Variants in LIPH observed in about 807,000 individuals in gnomAD.
The protein encoded by LIPH is lipase member H.
A neutral mutation model predicts 47.6 loss-of-function variants in LIPH; 32 were observed. That is an observed-to-expected ratio of 0.67 (90% confidence interval 0.51 to 0.90). The LOEUF (loss-of-function observed/expected upper bound fraction) is 0.90. Among genes scored for constraint, LIPH ranks in the 40% least tolerant of loss-of-function variants. The pLI is 0.00. For synonymous variants in LIPH, 190 were observed against 195.6 expected, an observed-to-expected ratio of 0.97 and a Z score of 0.24; for missense variants, 497 against 541.4, an observed-to-expected ratio of 0.92 and a Z score of 0.81.
intron 1 of LIPH, chr3:185,546,798 T>C (rs945041801): frequency 3.6e-5 from 13 of 363,094 alleles, no homozygotes; most frequent in Non-Finnish European, 2.6e-5. Context: ...GAGTAAGAAC[T>C]TGTCTAAAAA....
chr3:185,542,795 G>A (rs915722556), intron 1 of LIPH, among the ~76,000 whole-genome samples: 16 of 152,110 alleles, frequency 1.1e-4, no homozygotes, highest in East Asian at 3.8e-4. Flanking sequence ...TCATAAAAAC[G>A]GATGAAATCA....
At chr3:185,536,822 G>A (rs180994802) in intron 1 of LIPH, among the ~76,000 whole-genome samples, 132 of 152,150 alleles carry the variant, frequency 8.7e-4, no homozygotes, top group Admixed American at 2.4e-3. Flanking sequence ...AGAAAACACC[G>A]TCTGTAGGAT....
intron 1 of LIPH, among the ~76,000 whole-genome samples, chr3:185,545,222 GA>G (rs1317284416): frequency 6.6e-6 from 1 of 152,160 alleles, no homozygotes; most frequent in Non-Finnish European, 1.5e-5. Context: ...TTGACAGTTG[GA>G]AAATTACAGT....
At chr3:185,513,288 C>T (rs1209934526) in intron 8 of LIPH, among the ~76,000 whole-genome samples, 3 of 149,332 alleles carry the variant, frequency 2.0e-5, no homozygotes, top group East Asian at 2.0e-4. Flanking sequence ...TGCAGTGAGC[C>T]GAGATCAGGC....
At chr3:185,526,609 A>AT (rs1294902262) in intron 4 of LIPH, among the ~76,000 whole-genome samples, 73 of 114,164 alleles carry the variant, frequency 6.4e-4, no homozygotes, top group East Asian at 2.0e-3. Context: ...ATAAAATAAA[A>AT]AATAAAATAA....
chr3:185,533,672 C>T lies in LIPH; in HGVS notation c.425G>A (p.Gly142Glu), dbSNP rs1553824000. 1.2e-6 allele frequency: 2 copies of T among 1,609,818 alleles called. No homozygotes were observed. Among genetic ancestry groups the T allele is most frequent in the Non-Finnish European group, 1.7e-6 (2 of 1,176,064 alleles). Residue 142 changes from glycine to glutamate, a missense_variant, in exon 3 of 10, where the codon GGA (glycine) becomes GAA (glutamate). Coordinates refer to ENST00000296252, the MANE Select transcript of LIPH (RefSeq NM_139248.3). ...KEFIDQMLAEGASLDDIYMIG... is the reference protein window; with the variant it reads ...KEFIDQMLAEEASLDDIYMIG... ...CATGTAAATGTCATCAAGAGAAGCT[C>T]CTTCTGCCTGGAATTTCAAGAGGTC...
chr3:185,515,077 T>C (rs1167870189), intron 7 of LIPH, among the ~76,000 whole-genome samples: 1 of 152,168 alleles, frequency 6.6e-6, no homozygotes, highest in African/African-American at 2.4e-5. Flanking sequence ...TCCAGAAGGC[T>C]TTTCCTGACC....
intron 4 of LIPH, among the ~76,000 whole-genome samples, chr3:185,526,959 G>T (rs1305340753): frequency 2.0e-5 from 3 of 152,152 alleles, no homozygotes; most frequent in African/African-American, 4.8e-5. Flanking sequence ...TTAAAAATAT[G>T]CCGGGCGCGG....
rs1026384113 is a variant in LIPH, at chr3:185,507,153, C to T, written c.*1637G>A. 1 of 151,488 alleles carries T rather than the reference C, an allele frequency of 6.6e-6. No individual in the cohort carries two copies. The highest frequency in any genetic ancestry group is 1.5e-5 in the Non-Finnish European group (1 of 67,916). 9.4% of individuals were successfully genotyped at this position (151,488 alleles called of 1,614,324 possible). A position where few individuals can be genotyped will look rare whatever the true frequency, so the allele number is the denominator to read the frequency against. On this transcript the variant is annotated 3_prime_UTR_variant, in exon 10 of 10. Coordinates refer to ENST00000296252, the MANE Select transcript of LIPH (RefSeq NM_139248.3). ...TTTGGGAGGCCGAGACGGGTAGTCA[C>T]CTGAGGACAGGAGTTCGAGACGAGC... is the stretch of plus-strand genomic sequence containing the variant.
chr3:185,526,621 AAAAT>A (rs1720091353), intron 4 of LIPH, among the ~76,000 whole-genome samples: 1 of 21,486 alleles, frequency 4.7e-5, no homozygotes, highest in Non-Finnish European at 1.9e-4. Flanking sequence ...ATAAAATAAT[AAAAT>A]AAAATATAAA....
chr3:185,511,819 CTTT>C (rs78253030), intron 8 of LIPH, 122 bp from the exon 9 acceptor site: 940 of 547,360 alleles, frequency 1.7e-3, no homozygotes, highest in Non-Finnish European at 2.0e-3. Flanking sequence ...CACCAGCTGA[CTTT>C]TTTTTTTTTT....
At position 185,522,650 on chromosome 3, in the gene LIPH, A is replaced by AAGAAAAG. The variant is rs1235808164; in HGVS notation, c.718+1420_718+1421insCTTTTCT. Reference sequence around the variant, plus strand: ...AAGAAGGAAAAGAAAGAGAGAAAGAAAAAGAAAGAAAGAAAGAAAGAAAGA... The same window carrying AAGAAAAG: ...AAGAAGGAAAAGAAAGAGAGAAAGAAAGAAAAGAAAGAAAGAAAGAAAGAAAGAAAGA... On this transcript the variant is annotated intron_variant, in intron 5 of 9. Transcript: ENST00000296252. Among the ~76,000 whole-genome samples the AAGAAAAG allele has an allele frequency of 1.0e-3, 143 of 141,998 alleles. 1 individual carries two copies. The highest frequency in any genetic ancestry group is 2.6e-3 in the Admixed American group (36 of 13,786). The allele number at this position is 141,998 out of a possible 152,430, so 93.2% of individuals were successfully genotyped here. A position where few individuals can be genotyped will look rare whatever the true frequency, so the allele number is the denominator to read the frequency against.
chr3:185,534,735 G>C (rs753031928), intron 2 of LIPH, 30 bp downstream of exon 2: 1 of 1,611,126 alleles, frequency 6.2e-7, no homozygotes, highest in Non-Finnish European at 8.5e-7. Context: ...TTTCAACTTA[G>C]CTCTGAATCA....
intron 1 of LIPH, among the ~76,000 whole-genome samples, chr3:185,540,764 A>C (rs1004381601): frequency 1.3e-5 from 2 of 151,722 alleles, no homozygotes; most frequent in Admixed American, 6.6e-5. Context: ...ATCCTTTTTC[A>C]TGGAATGTAG....
chr3:185,508,547 C>T lies in LIPH; in HGVS notation c.*243G>A, dbSNP rs1719453631. On this transcript the variant is annotated 3_prime_UTR_variant, in exon 10 of 10. Coordinates refer to ENST00000296252, the MANE Select transcript of LIPH (RefSeq NM_139248.3). ...GGGAGGCCCCAGGACACAGCAGACA[C>T]AGCGCTGCGCTGCTGCGAGCCTGGC... 3.9e-6 allele frequency: 2 copies of T among 515,282 alleles called. No homozygotes were observed. Among genetic ancestry groups the T allele is most frequent in the Admixed American group, 3.2e-5 (1 of 31,530 alleles). The allele number at this position is 515,282 out of a possible 1,614,324, so 31.9% of individuals were successfully genotyped here.
chr3:185,509,786 C>A (rs1719499049), intron 9 of LIPH, among the ~76,000 whole-genome samples: 5 of 152,090 alleles, frequency 3.3e-5, no homozygotes, highest in Admixed American at 2.0e-4. Flanking sequence ...TGTTTCCTGA[C>A]AATTTCTGTA....
intron 3 of LIPH, 133 bp from the exon 4 acceptor site, chr3:185,527,718 C>G: frequency 1.5e-6 from 1 of 688,914 alleles, no homozygotes; most frequent in Admixed American, 2.1e-5. Flanking sequence ...ACACTCCCGT[C>G]CCACTTGGCC....
At chr3:185,551,750 C>T (rs868076998) in intron 1 of LIPH, among the ~76,000 whole-genome samples, 35 of 151,844 alleles carry the variant, frequency 2.3e-4, no homozygotes, top group African/African-American at 7.9e-4. Context: ...TATCAACCTT[C>T]ATTACCACAG....
intron 3 of LIPH, among the ~76,000 whole-genome samples, chr3:185,530,339 G>A (rs1031955913): frequency 5.9e-5 from 9 of 152,008 alleles, no homozygotes; most frequent in African/African-American, 1.9e-4. Context: ...TTAGCCAGGC[G>A]TGGTGGCAGG....
Sources: allele counts gnomAD v4.1 joint callset (sites outside exome capture counted in the v4.1 genomes callset), GRCh38; gene constraint gnomAD v4.1.1; transcripts MANE v1.5; gene names NCBI Gene and HGNC (gene_info 2026-07-23, HGNC 2026-07-21).